ADGRB3: variants seen among roughly 807,000 people sequenced by gnomAD.
ADGRB3 encodes brain-specific angiogenesis inhibitor 3.
Under a neutral mutation model 193.4 loss-of-function variants are expected in ADGRB3, and 37 were observed. The ratio of observed to expected loss-of-function variants is 0.19; its 90% CI spans 0.15 to 0.25. The LOEUF (loss-of-function observed/expected upper bound fraction) is 0.25. ADGRB3 is among the 10% of genes least tolerant of loss of function. ADGRB3 has a pLI of 1.00. For missense variants in ADGRB3, 1,637 were observed against 1,852.9 expected (o/e 0.88, Z 2.14); for synonymous variants, 690 against 644.2 (o/e 1.07, Z -1.08).
chr6:68,878,565 TC>T (rs972668022), intron 3 of ADGRB3, among the ~76,000 whole-genome samples: 22 of 152,334 alleles, frequency 1.4e-4, no homozygotes, highest in African/African-American at 4.6e-4. Flanking sequence ...TCTATAAACA[TC>T]CTTTCCCTAT....
chr6:68,903,453 ATATT>A (rs1766453990), intron 3 of ADGRB3, among the ~76,000 whole-genome samples: 1 of 152,204 alleles, frequency 6.6e-6, no homozygotes, highest in South Asian at 2.1e-4. Flanking sequence ...GTCTCAGGAT[ATATT>A]TAGTTTTCCA....
chr6:69,237,725 C>A (rs1378682079), intron 19 of ADGRB3, among the ~76,000 whole-genome samples: 1 of 151,990 alleles, frequency 6.6e-6, no homozygotes. Flanking sequence ...TGTGTTTGTG[C>A]TTCCATGGAA....
chr6:69,103,105 C>T (rs555578878), intron 17 of ADGRB3, among the ~76,000 whole-genome samples: 2 of 150,854 alleles, frequency 1.3e-5, no homozygotes, highest in East Asian at 3.9e-4. Context: ...ATGTTGCCCT[C>T]AAAAAAAAAT....
chr6:69,100,931 AG>A (rs1773031901), intron 17 of ADGRB3, among the ~76,000 whole-genome samples: 1 of 7,822 alleles, frequency 1.3e-4, no homozygotes, highest in Non-Finnish European at 3.4e-4. Flanking sequence ...GGAAGGAGGG[AG>A]GGAGGGAAGG....
At chr6:69,346,993 T>A (rs1769105143) in intron 26 of ADGRB3, among the ~76,000 whole-genome samples, 1 of 151,992 alleles carries the variant, frequency 6.6e-6, no homozygotes, top group African/African-American at 2.4e-5. Context: ...ATAAAGAAAA[T>A]GTGGCACATA....
At chr6:69,275,431 TG>T (rs1210811130) in intron 20 of ADGRB3, among the ~76,000 whole-genome samples, 1 of 152,166 alleles carries the variant, frequency 6.6e-6, no homozygotes, top group Non-Finnish European at 1.5e-5. Context: ...GATTCCTCAT[TG>T]GCCTAGAGAT....
At chr6:69,211,165 T>C (rs1472444252) in intron 17 of ADGRB3, among the ~76,000 whole-genome samples, 1 of 152,100 alleles carries the variant, frequency 6.6e-6, no homozygotes, top group Non-Finnish European at 1.5e-5. Context: ...GTATGTGACT[T>C]TCAGGACATA....
In ADGRB3 at chr6:68,940,776, C is replaced by T. The variant is rs573826238; in HGVS notation, c.1031-3054C>T. On this transcript the variant is annotated intron_variant, in intron 5 of 31. Transcript: ENST00000370598. ...ACGTGGTGCCGCGCGCCTGTAATCC[C>T]GGCTAGTCAGGAGGCTGAGGCACGA... 2.2e-3 allele frequency among the ~76,000 whole-genome samples: 339 copies of T among 151,868 alleles called. 1 individual carries two copies. The highest frequency in any genetic ancestry group is 3.5e-3 in the Non-Finnish European group (241 of 67,950).
At chr6:68,930,878 A>G (rs574316236) in intron 4 of ADGRB3, among the ~76,000 whole-genome samples, 5 of 152,206 alleles carry the variant, frequency 3.3e-5, no homozygotes, top group African/African-American at 1.2e-4. Flanking sequence ...TGCTTTCAGT[A>G]TGGGACATTT....
intron 3 of ADGRB3, among the ~76,000 whole-genome samples, chr6:68,827,983 A>C (rs546732869): frequency 6.6e-6 from 1 of 152,252 alleles, no homozygotes; most frequent in Non-Finnish European, 1.5e-5. Context: ...AGTTCATCTG[A>C]TTAGGATCCA....
intron 17 of ADGRB3, among the ~76,000 whole-genome samples, chr6:69,205,016 T>C (rs1190135492): frequency 1.3e-5 from 2 of 152,194 alleles, no homozygotes; most frequent in Non-Finnish European, 2.9e-5. Context: ...TTAAAATTTT[T>C]CCTGTAATAT....
chr6:68,715,003 A>G (rs1765466159), intron 3 of ADGRB3, among the ~76,000 whole-genome samples: 1 of 151,792 alleles, frequency 6.6e-6, no homozygotes, highest in Non-Finnish European at 1.5e-5. Flanking sequence ...AGAACACTAC[A>G]GTGCATAGTA....
At chr6:68,818,058 G>A (rs1037806411) in intron 3 of ADGRB3, among the ~76,000 whole-genome samples, 1 of 152,018 alleles carries the variant, frequency 6.6e-6, no homozygotes, top group African/African-American at 2.4e-5. Flanking sequence ...CCAAAGTTCA[G>A]TGAATAAAGT....
chr6:69,050,842 T>A (rs1034756068), intron 15 of ADGRB3, among the ~76,000 whole-genome samples: 7 of 152,204 alleles, frequency 4.6e-5, no homozygotes, highest in Non-Finnish European at 8.8e-5. Context: ...TGCTACATTC[T>A]CCCTATTTGC....
chr6:69,202,875 G>T (rs1038377420), intron 17 of ADGRB3, among the ~76,000 whole-genome samples: 1 of 152,128 alleles, frequency 6.6e-6, no homozygotes, highest in African/African-American at 2.4e-5. Flanking sequence ...CAGAAGAAAG[G>T]CTTTCTGGCA....
At chr6:69,045,917 C>T (rs1771223590) in intron 13 of ADGRB3, among the ~76,000 whole-genome samples, 1 of 152,062 alleles carries the variant, frequency 6.6e-6, no homozygotes, top group Admixed American at 6.6e-5. Context: ...TTCAAAAGTA[C>T]AGTCTAATTT....
At chr6:69,248,031 A>G (rs1308126899) in intron 20 of ADGRB3, among the ~76,000 whole-genome samples, 2 of 152,196 alleles carry the variant, frequency 1.3e-5, no homozygotes, top group South Asian at 4.1e-4. Flanking sequence ...ATCTTTATGC[A>G]GAGATATCCA....
intron 3 of ADGRB3, among the ~76,000 whole-genome samples, chr6:68,692,084 G>A (rs1313545594): frequency 6.6e-6 from 1 of 151,540 alleles, no homozygotes; most frequent in Non-Finnish European, 1.5e-5. Context: ...AAACCATTAT[G>A]GATCAATTGC....
At chr6:68,882,088 G>T (rs1765749350) in intron 3 of ADGRB3, among the ~76,000 whole-genome samples, 1 of 152,068 alleles carries the variant, frequency 6.6e-6, no homozygotes, top group African/African-American at 2.4e-5. Context: ...AAGGTTATTT[G>T]ACTTTGATTT....
Sources: gnomAD v4.1 joint callset for allele counts (sites outside exome capture counted in the v4.1 genomes callset) on GRCh38, gnomAD v4.1.1 for gene constraint, MANE v1.5 for transcripts, NCBI Gene and HGNC (gene_info 2026-07-23, HGNC 2026-07-21) for gene names.